The following LRP1B variants were observed in gnomAD, a reference collection of about 807,000 sequenced individuals.
The protein encoded by LRP1B is LDL receptor related protein 1B.
LRP1B carries 217 observed loss-of-function variants against 556.6 expected under a neutral mutation model. That is an observed-to-expected ratio of 0.39 (90% CI 0.35 to 0.44). The LOEUF is 0.44. Among genes scored for constraint, LRP1B ranks in the 20% least tolerant of loss-of-function variants. The pLI is 1.00. For synonymous variants in LRP1B, 2,047 were observed against 1,865.8 expected (o/e 1.10, Z -2.50); for missense variants, 5,053 against 5,620.8 (o/e 0.90, Z 3.23).
intron 3 of LRP1B, among the ~76,000 whole-genome samples, chr2:141,428,404 T>G (rs1680448286): frequency 6.6e-6 from 1 of 152,108 alleles, no homozygotes; most frequent in Non-Finnish European, 1.5e-5. Flanking sequence ...ACCCTAGAAC[T>G]TTAAGTATAT....
chr2:141,825,612 G>A (rs1474494150), intron 1 of LRP1B, among the ~76,000 whole-genome samples: 1 of 152,152 alleles, frequency 6.6e-6, no homozygotes, highest in Non-Finnish European at 1.5e-5. Context: ...GAGGTCTTAG[G>A]TAGGTGGACC....
intron 55 of LRP1B, among the ~76,000 whole-genome samples, chr2:140,498,070 G>C (rs1399300026): frequency 6.6e-6 from 1 of 151,592 alleles, no homozygotes; most frequent in Non-Finnish European, 1.5e-5. Flanking sequence ...AAATTCAATG[G>C]AAGAAAATAA....
intron 18 of LRP1B, among the ~76,000 whole-genome samples, chr2:140,977,509 T>C (rs1223406285): frequency 2.0e-5 from 3 of 152,200 alleles, no homozygotes; most frequent in African/African-American, 7.2e-5. Flanking sequence ...TTACGTTACA[T>C]AGTGCACAGA....
intron 35 of LRP1B, among the ~76,000 whole-genome samples, chr2:140,724,155 T>C (rs913232014): frequency 6.6e-6 from 1 of 152,154 alleles, no homozygotes; most frequent in Non-Finnish European, 1.5e-5. Context: ...TAAGTTCCGG[T>C]AATCTTTTCT....
intron 2 of LRP1B, among the ~76,000 whole-genome samples, chr2:141,649,099 G>A (rs549015194): frequency 1.3e-5 from 2 of 152,312 alleles, no homozygotes; most frequent in Non-Finnish European, 1.5e-5. Context: ...GGAGGGTTGT[G>A]TTCAGCTGGG....
At chr2:141,395,162 A>G (rs1690196412) in intron 3 of LRP1B, among the ~76,000 whole-genome samples, 1 of 152,112 alleles carries the variant, frequency 6.6e-6, no homozygotes, top group Non-Finnish European at 1.5e-5. Flanking sequence ...TACAGTGTTT[A>G]TATAAAGTAT....
chr2:141,453,080 T>A (rs1426754386), intron 3 of LRP1B, among the ~76,000 whole-genome samples: 1 of 151,942 alleles, frequency 6.6e-6, no homozygotes, highest in Admixed American at 6.6e-5. Context: ...TACTAAAATA[T>A]ACAAAAATTA....
chr2:141,269,599 G>T (rs1356134670), intron 3 of LRP1B, among the ~76,000 whole-genome samples: 1 of 152,062 alleles, frequency 6.6e-6, no homozygotes, highest in African/African-American at 2.4e-5. Flanking sequence ...ATACTATGGG[G>T]AAATAGATGT....
At chr2:140,297,683 G>A in intron 84 of LRP1B, 125 bp downstream of exon 84, 1 of 998,992 alleles carries the variant, frequency 1.0e-6, no homozygotes. Context: ...AATTGTTGGA[G>A]TGACAGAGAC....
chr2:140,266,004 C>CTG (rs1192065571), intron 86 of LRP1B, among the ~76,000 whole-genome samples: 1 of 152,004 alleles, frequency 6.6e-6, no homozygotes, highest in African/African-American at 2.4e-5. Flanking sequence ...AGGAACATGA[C>CTG]TGTGAAATCC....
intron 2 of LRP1B, among the ~76,000 whole-genome samples, chr2:141,591,691 T>C (rs1434163646): frequency 6.6e-6 from 1 of 152,012 alleles, no homozygotes; most frequent in Non-Finnish European, 1.5e-5. Flanking sequence ...TAGTTCTCAA[T>C]TTATGCCACA....
chr2:141,973,484 G>GT (rs912293971), intron 1 of LRP1B, among the ~76,000 whole-genome samples: 3 of 151,732 alleles, frequency 2.0e-5, no homozygotes, highest in Non-Finnish European at 4.4e-5. Flanking sequence ...AAGAAAAGCA[G>GT]TTTTTATATC....
intron 3 of LRP1B, among the ~76,000 whole-genome samples, chr2:141,427,256 T>G (rs927296736): frequency 6.6e-6 from 1 of 152,214 alleles, no homozygotes; most frequent in African/African-American, 2.4e-5. Context: ...TGAACCTGTA[T>G]GAAATATGTA....
rs1306877519 is a variant in LRP1B at position 141,509,144 on chromosome 2, A to AAGAT, written c.206-28615_206-28612dup. On this transcript the variant is annotated intron_variant, in intron 2 of 90. Coordinates refer to ENST00000389484, the MANE Select transcript of LRP1B (RefSeq NM_018557.3). ...ATCATAACAGAGAAAGAAAGAAAGAAAGATACTTCCTCAAGCAAGAAATAC... is the reference window on the plus strand; with the variant it reads ...ATCATAACAGAGAAAGAAAGAAAGAAAGATAGATACTTCCTCAAGCAAGAAATAC... 2.0e-5 allele frequency among the ~76,000 whole-genome samples: 3 copies of AAGAT among 152,196 alleles called. No homozygotes were observed. The East Asian group carries it at 5.8e-4, about 29-fold the overall frequency.
chr2:141,098,936 T>G (rs1700392233), intron 7 of LRP1B, among the ~76,000 whole-genome samples: 1 of 152,206 alleles, frequency 6.6e-6, no homozygotes, highest in Admixed American at 6.5e-5. Context: ...GGATTACAAT[T>G]AATATTTTTA....
At chr2:141,985,111 A>G (rs1198368339) in intron 1 of LRP1B, among the ~76,000 whole-genome samples, 1 of 152,140 alleles carries the variant, frequency 6.6e-6, no homozygotes, top group African/African-American at 2.4e-5. Flanking sequence ...AATACAATTC[A>G]AGTCTGAGAT....
rs534046469 is a variant in LRP1B at position 141,630,905 on chromosome 2, T to C, written c.206-150372A>G. On this transcript the variant is annotated intron_variant, in intron 2 of 90. Coordinates refer to ENST00000389484, the MANE Select transcript of LRP1B (RefSeq NM_018557.3). ...CTTACTTTCCTCCACCTTTACAGTTTATTTTTCATTCTTTAAGAAACATAT... is the reference window on the plus strand; with the variant it reads ...CTTACTTTCCTCCACCTTTACAGTTCATTTTTCATTCTTTAAGAAACATAT... Among the ~76,000 whole-genome samples, 3 of 152,348 alleles carry C rather than the reference T, an allele frequency of 2.0e-5. No homozygotes were observed. In the South Asian group the frequency reaches 6.2e-4, roughly 32 times the overall value.
intron 35 of LRP1B, among the ~76,000 whole-genome samples, chr2:140,755,406 A>G (rs1298722607): frequency 1.3e-5 from 2 of 152,188 alleles, no homozygotes; most frequent in East Asian, 1.9e-4. Flanking sequence ...ATAGACACAA[A>G]AATCTTCAAC....
chr2:140,680,482 A>C (rs929373158), intron 41 of LRP1B, among the ~76,000 whole-genome samples: 2 of 152,176 alleles, frequency 1.3e-5, no homozygotes, highest in African/African-American at 2.4e-5. Flanking sequence ...AGACTGAATT[A>C]AGATTTATTT....
Sources: allele counts gnomAD v4.1 joint callset (sites outside exome capture counted in the v4.1 genomes callset), GRCh38; gene constraint gnomAD v4.1.1; transcripts MANE v1.5; gene names NCBI Gene and HGNC (gene_info 2026-07-23, HGNC 2026-07-21).